The following LRP1B variants were observed in gnomAD, a reference collection of about 807,000 sequenced individuals.
The protein encoded by LRP1B is low-density lipoprotein receptor-related protein 1B.
In LRP1B, 217 loss-of-function variants were observed where a neutral mutation model predicts 556.6. The ratio of observed to expected loss-of-function variants is 0.39; its 90% CI spans 0.35 to 0.44. The LOEUF (loss-of-function observed/expected upper bound fraction) is 0.44. LRP1B is among the 20% of genes least tolerant of loss of function. The probability of loss-of-function intolerance (pLI) is 1.00; values close to 1 mark genes in which losing one functional copy is unlikely to be tolerated. For synonymous variants in LRP1B, 2,047 were observed against 1,865.8 expected, an observed-to-expected ratio of 1.10 and a Z score of -2.50; for missense variants, 5,053 against 5,620.8, an observed-to-expected ratio of 0.90 and a Z score of 3.23.
intron 2 of LRP1B, among the ~76,000 whole-genome samples, chr2:141,610,336 A>G (rs1486449614): frequency 2.9e-5 from 1 of 34,122 alleles, no homozygotes; most frequent in Non-Finnish European, 1.3e-4. Context: ...AATAATAATA[A>G]TAATAATAAA....
At chr2:140,284,914 A>ATCTATATG (rs1683072869) in intron 84 of LRP1B, among the ~76,000 whole-genome samples, 2 of 150,896 alleles carry the variant, frequency 1.3e-5, no homozygotes, top group Non-Finnish European at 3.0e-5. Context: ...ATACCTATAT[A>ATCTATATG]CCTAGATATA....
At chr2:140,495,478 A>G in intron 56 of LRP1B, 87 bp downstream of exon 56, 1 of 1,212,202 alleles carries the variant, frequency 8.2e-7, no homozygotes, top group Non-Finnish European at 1.2e-6. Context: ...AGCATCAAGG[A>G]GGAGTGAATT....
chr2:141,033,651 G>A (rs1424108238), intron 11 of LRP1B, among the ~76,000 whole-genome samples: 1 of 151,954 alleles, frequency 6.6e-6, no homozygotes, highest in African/African-American at 2.4e-5. Context: ...GAGAGTAACT[G>A]CCATGATGGA....
chr2:141,519,202 C>G (rs1200893082), intron 2 of LRP1B, among the ~76,000 whole-genome samples: 2 of 151,552 alleles, frequency 1.3e-5, no homozygotes, highest in African/African-American at 4.8e-5. Flanking sequence ...TTTAAATAAG[C>G]CAGTCAGCCA....
intron 7 of LRP1B, among the ~76,000 whole-genome samples, chr2:141,175,711 T>C (rs988555992): frequency 6.6e-6 from 1 of 152,014 alleles, no homozygotes; most frequent in Non-Finnish European, 1.5e-5. Flanking sequence ...ACTGGGGCAC[T>C]CCCTAGTGGA....
intron 54 of LRP1B, 74 bp downstream of exon 54, chr2:140,502,889 T>TA: frequency 6.7e-7 from 1 of 1,484,734 alleles, no homozygotes; most frequent in Non-Finnish European, 9.3e-7. Context: ...TTGAATACTA[T>TA]ACTAGACAGA....
At chr2:140,611,862 A>T (rs759545620) in intron 41 of LRP1B, among the ~76,000 whole-genome samples, 11 of 152,128 alleles carry the variant, frequency 7.2e-5, no homozygotes, top group Non-Finnish European at 1.3e-4. Context: ...ATGTATGGAA[A>T]GACCATTTGG....
chr2:140,908,388 AT>A (rs1559188002), intron 21 of LRP1B, among the ~76,000 whole-genome samples: 5 of 138,692 alleles, frequency 3.6e-5, no homozygotes, highest in African/African-American at 1.2e-4. Flanking sequence ...ATATATATAT[AT>A]ATAAAAAGAA....
At position 141,217,408 on chromosome 2, in the gene LRP1B, C is replaced by T. The variant is rs561027139; in HGVS notation, c.850+11775G>A. ...TAATGCACAATATAAACATTCAATACACATTCCAAAATACTGTGTAATTAT... is the reference window on the plus strand; with the variant it reads ...TAATGCACAATATAAACATTCAATATACATTCCAAAATACTGTGTAATTAT... On this transcript the variant is annotated intron_variant, in intron 6 of 90. Transcript: ENST00000389484. 4.6e-5 allele frequency among the ~76,000 whole-genome samples: 7 copies of T among 152,236 alleles called. No individual in the cohort carries two copies. In the South Asian group the frequency reaches 1.5e-3, roughly 32 times the overall value.
At chr2:141,830,659 G>A (rs2105745077) in intron 1 of LRP1B, among the ~76,000 whole-genome samples, 1 of 151,766 alleles carries the variant, frequency 6.6e-6, no homozygotes, top group African/African-American at 2.4e-5. Flanking sequence ...GCTAACACCT[G>A]CACTAGTGAT....
intron 2 of LRP1B, among the ~76,000 whole-genome samples, chr2:141,731,726 A>G (rs1693281348): frequency 1.3e-5 from 2 of 152,094 alleles, no homozygotes; most frequent in African/African-American, 4.8e-5. Context: ...GACCTTGGAG[A>G]AAATTACTTA....
intron 2 of LRP1B, among the ~76,000 whole-genome samples, chr2:141,744,688 C>T (rs1186924014): frequency 6.6e-6 from 1 of 152,152 alleles, no homozygotes. Context: ...CGGGATTGGA[C>T]TCTAGTGCCT....
At chr2:140,725,148 A>G (rs1050714211) in intron 35 of LRP1B, among the ~76,000 whole-genome samples, 1 of 152,202 alleles carries the variant, frequency 6.6e-6, no homozygotes, top group African/African-American at 2.4e-5. Flanking sequence ...TTTGAGAAAT[A>G]TAACAGTTAA....
At chr2:140,873,796 C>T (rs947784166) in intron 25 of LRP1B, among the ~76,000 whole-genome samples, 1 of 151,572 alleles carries the variant, frequency 6.6e-6, no homozygotes, top group Admixed American at 6.6e-5. Flanking sequence ...GGTAGGAAAA[C>T]ATTCTTTCAA....
chr2:140,536,311 T>TAAAAAAAA (rs70988404), intron 46 of LRP1B, among the ~76,000 whole-genome samples: 10 of 61,892 alleles, frequency 1.6e-4, no homozygotes, highest in East Asian at 9.0e-4. Flanking sequence ...CCCGTCTCTT[T>TAAAAAAAA]AAAAAAAAAA....
intron 53 of LRP1B, among the ~76,000 whole-genome samples, chr2:140,505,144 C>A (rs1378520584): frequency 6.6e-6 from 1 of 152,158 alleles, no homozygotes; most frequent in East Asian, 1.9e-4. Flanking sequence ...ATTTACTGTT[C>A]CTGAAACTGC....
intron 1 of LRP1B, among the ~76,000 whole-genome samples, chr2:142,088,815 AAC>A (rs1373877081): frequency 1.3e-5 from 2 of 151,780 alleles, no homozygotes; most frequent in African/African-American, 4.8e-5. Context: ...CTCTACTAAA[AAC>A]ACAAAAAATT....
chr2:140,269,247 T>C (rs1000296761), intron 86 of LRP1B: 1 of 470,402 alleles, frequency 2.1e-6, no homozygotes, highest in East Asian at 7.0e-5. Context: ...AGCGCAGCGA[T>C]AAGTGGAAGT....
intron 5 of LRP1B, among the ~76,000 whole-genome samples, chr2:141,235,545 G>C (rs1683619647): frequency 6.6e-6 from 1 of 151,846 alleles, no homozygotes; most frequent in South Asian, 2.1e-4. Context: ...ATGCAGAGAT[G>C]GATAAAAGAA....
Sources: allele counts gnomAD v4.1 joint callset (sites outside exome capture counted in the v4.1 genomes callset), GRCh38; gene constraint gnomAD v4.1.1; transcripts MANE v1.5; gene names NCBI Gene and HGNC (gene_info 2026-07-23, HGNC 2026-07-21).